Variants in C3orf49 observed in about 807,000 individuals in gnomAD.
The protein encoded by C3orf49 is chromosome 3 open reading frame 49.
Under a neutral mutation model 13.3 loss-of-function variants are expected in C3orf49, and 27 were observed. That is an observed-to-expected ratio of 2.02 (90% CI 1.49 to 2.79). The LOEUF (loss-of-function observed/expected upper bound fraction) is 2.79. C3orf49 is among the 30% of genes most tolerant of loss of function. C3orf49 has a pLI of 0.00. For synonymous variants in C3orf49, 87 were observed against 47.6 expected, an observed-to-expected ratio of 1.83 and a Z score of -3.40; for missense variants, 242 against 134.2, an observed-to-expected ratio of 1.80 and a Z score of -3.97.
chr3:63,815,059 C>CTA (rs1235869077), upstream of C3orf49, among the ~76,000 whole-genome samples: 1 of 152,142 alleles, frequency 6.6e-6, no homozygotes, highest in African/African-American at 2.4e-5. Flanking sequence ...CACTTTTAAA[C>CTA]AACCAGATCT....
At chr3:63,795,292 C>T in the C3orf49 span, among the ~76,000 whole-genome samples, 185 of 152,242 alleles carry the variant, frequency 1.2e-3, 2 homozygotes, top group African/African-American at 4.0e-3. Context: ...CAATGGGAAA[C>T]GTCTAGGGGG....
the C3orf49 span, among the ~76,000 whole-genome samples, chr3:63,806,870 TTAGTTTGGG>T: frequency 6.6e-6 from 1 of 152,224 alleles, no homozygotes; most frequent in East Asian, 1.9e-4. Context: ...ATAATTGCCT[TTAGTTTGGG>T]TGACTCCTCG....
At chr3:63,797,672 T>C in the C3orf49 span, among the ~76,000 whole-genome samples, 2 of 152,294 alleles carry the variant, frequency 1.3e-5, no homozygotes, top group African/African-American at 4.8e-5. Flanking sequence ...GTCTTCCGTT[T>C]ACCTGTCACT....
At chr3:63,792,685 C>G in the C3orf49 span, among the ~76,000 whole-genome samples, 1 of 152,150 alleles carries the variant, frequency 6.6e-6, no homozygotes, top group East Asian at 1.9e-4. Context: ...AGGAAGAACA[C>G]AGATAATACA....
chr3:63,789,605 G>T, the C3orf49 span, among the ~76,000 whole-genome samples: 1 of 151,978 alleles, frequency 6.6e-6, no homozygotes, highest in Admixed American at 6.6e-5. Context: ...GAGGTCAGGA[G>T]TTCAAGACCG....
the C3orf49 span, among the ~76,000 whole-genome samples, chr3:63,783,734 AATTAATTC>A: frequency 1.3e-4 from 20 of 148,728 alleles, no homozygotes; most frequent in Admixed American, 4.7e-4. Flanking sequence ...AAATTAAATT[AATTAATTC>A]ATTAATTAAT....
At chr3:63,811,861 T>TA in the C3orf49 span, among the ~76,000 whole-genome samples, 46 of 147,330 alleles carry the variant, frequency 3.1e-4, no homozygotes, top group African/African-American at 4.9e-4. Flanking sequence ...AAGAGGAGAT[T>TA]AAAAAAAAAA....
At chr3:63,793,853 A>G in the C3orf49 span, among the ~76,000 whole-genome samples, 1 of 152,136 alleles carries the variant, frequency 6.6e-6, no homozygotes, top group African/African-American at 2.4e-5. Context: ...GGGACAAATA[A>G]GCGCTCAATA....
intron 4 of C3orf49, 101 bp from the exon 5 acceptor site, chr3:63,831,579 G>A (rs781483042): frequency 3.4e-5 from 22 of 651,716 alleles, no homozygotes; most frequent in Non-Finnish European, 4.4e-5. Flanking sequence ...CAAAATGTCC[G>A]CCAGTTCCAG....
chr3:63,789,917 G>A, the C3orf49 span, among the ~76,000 whole-genome samples: 2 of 151,004 alleles, frequency 1.3e-5, no homozygotes, highest in East Asian at 1.9e-4. Flanking sequence ...TTCCTCCACA[G>A]TATATTAGAT....
chr3:63,806,231 C>T, the C3orf49 span, among the ~76,000 whole-genome samples: 5 of 152,312 alleles, frequency 3.3e-5, no homozygotes, highest in African/African-American at 1.2e-4. Context: ...CCTGAGTACC[C>T]CAATGAAATC....
chr3:63,828,376 T>C (rs1701492916), intron 3 of C3orf49, among the ~76,000 whole-genome samples: 1 of 152,188 alleles, frequency 6.6e-6, no homozygotes, highest in African/African-American at 2.4e-5. Flanking sequence ...TTCAGCTCAC[T>C]GCAACCTCCG....
At chr3:63,781,609 A>G in the C3orf49 span, among the ~76,000 whole-genome samples, 1 of 152,200 alleles carries the variant, frequency 6.6e-6, no homozygotes, top group Non-Finnish European at 1.5e-5. Flanking sequence ...GAGTTTATGG[A>G]AGTCACACTC....
At chr3:63,842,956 AT>A (rs529498406) in intron 5 of C3orf49, among the ~76,000 whole-genome samples, 128 of 143,464 alleles carry the variant, frequency 8.9e-4, no homozygotes, top group Middle Eastern at 3.6e-3. Flanking sequence ...TAATTTTTGT[AT>A]TTTTTTTTTT....
intron 2 of C3orf49, among the ~76,000 whole-genome samples, chr3:63,824,381 C>T (rs1000387014): frequency 3.3e-5 from 5 of 152,048 alleles, no homozygotes; most frequent in African/African-American, 1.2e-4. Context: ...AGAATGCTCA[C>T]TTTTATTGCA....
chr3:63,806,152 A>C, the C3orf49 span, among the ~76,000 whole-genome samples: 1 of 152,198 alleles, frequency 6.6e-6, no homozygotes, highest in Non-Finnish European at 1.5e-5. Context: ...GGATATGGTG[A>C]TCAAATACCT....
chr3:63,811,861 TA>T, the C3orf49 span, among the ~76,000 whole-genome samples: 46 of 147,214 alleles, frequency 3.1e-4, no homozygotes, highest in African/African-American at 5.9e-4. Flanking sequence ...AAGAGGAGAT[TA>T]AAAAAAAAAT....
At chr3:63,838,195 C>A (rs1701673870) in intron 5 of C3orf49, 7 of 949,388 alleles carry the variant, frequency 7.4e-6, no homozygotes, top group Non-Finnish European at 1.1e-5. Context: ...TAGCTGTAAC[C>A]CAAAGTACTA....
the C3orf49 span, among the ~76,000 whole-genome samples, chr3:63,794,358 C>T: frequency 6.7e-6 from 1 of 150,230 alleles, no homozygotes; most frequent in Non-Finnish European, 1.5e-5. Context: ...CAACTGTTGT[C>T]ACTAACTCCT....
Sources: allele counts gnomAD v4.1 joint callset (sites outside exome capture counted in the v4.1 genomes callset), GRCh38; gene constraint gnomAD v4.1.1; transcripts MANE v1.5; gene names NCBI Gene and HGNC (gene_info 2026-07-23, HGNC 2026-07-21).